WDR41: variants seen among roughly 807,000 people sequenced by gnomAD.
The protein encoded by WDR41 is WD repeat domain 41.
WDR41 carries 63 observed loss-of-function variants against 69.3 expected under a neutral mutation model. The observed-to-expected ratio is 0.91, with a 90% CI of 0.74 to 1.12. The LOEUF is 1.12. WDR41 is among the 50% of genes most tolerant of loss of function. The probability of loss-of-function intolerance (pLI) is 0.00; values close to 1 mark genes in which losing one functional copy is unlikely to be tolerated. For missense variants in WDR41, 543 were observed against 534.5 expected, an observed-to-expected ratio of 1.02 and a Z score of -0.16; for synonymous variants, 185 against 192.1, an observed-to-expected ratio of 0.96 and a Z score of 0.31.
At chr5:77,436,035 A>C (rs1253349893) in intron 12 of WDR41, among the ~76,000 whole-genome samples, 5 of 152,248 alleles carry the variant, frequency 3.3e-5, no homozygotes, top group Admixed American at 6.5e-5. Flanking sequence ...AATGGTGATT[A>C]AGACCATTCT....
chr5:77,476,887 TAA>T (rs985191650), intron 2 of WDR41, among the ~76,000 whole-genome samples: 5 of 142,846 alleles, frequency 3.5e-5, no homozygotes, highest in Non-Finnish European at 7.5e-5. Context: ...GCAAATTGGA[TAA>T]AGAGTCAAGA....
At chr5:77,480,481 A>G (rs1008231584) in intron 2 of WDR41, among the ~76,000 whole-genome samples, 2 of 152,168 alleles carry the variant, frequency 1.3e-5, no homozygotes, top group East Asian at 1.9e-4. Flanking sequence ...ACACCATGGA[A>G]TACTATGCAG....
chr5:77,433,613 G>GA (rs1798815015), intron 12 of WDR41, among the ~76,000 whole-genome samples: 1 of 152,156 alleles, frequency 6.6e-6, no homozygotes, highest in South Asian at 2.1e-4. Context: ...AATGGCTATG[G>GA]AAAAAATGTC....
chr5:77,517,631 C>CATATATATATATATATATATATAT (rs34773798), intron 1 of WDR41, among the ~76,000 whole-genome samples: 53 of 141,180 alleles, frequency 3.8e-4, no homozygotes, highest in African/African-American at 1.0e-3. Flanking sequence ...ATTTATTGAA[C>CATATATATATATATATATATATAT]ATATATATAT....
At chr5:77,559,113 G>T (rs889913923) in intron 1 of WDR41, among the ~76,000 whole-genome samples, 4 of 152,118 alleles carry the variant, frequency 2.6e-5, no homozygotes, top group Non-Finnish European at 4.4e-5. Flanking sequence ...ACAGTGGTAC[G>T]CTGGTAAATA....
intron 2 of WDR41, among the ~76,000 whole-genome samples, chr5:77,467,624 T>TC (rs1480563185): frequency 6.6e-6 from 1 of 152,046 alleles, no homozygotes; most frequent in African/African-American, 2.4e-5. Flanking sequence ...TTGATCTTTA[T>TC]CTTTATAACA....
chr5:77,434,087 C>T (rs893263833), intron 12 of WDR41, among the ~76,000 whole-genome samples: 5 of 151,790 alleles, frequency 3.3e-5, no homozygotes, highest in Admixed American at 6.6e-5. Flanking sequence ...CTCAGCACTT[C>T]GGGAGGCTGA....
At position 77,463,219 on chromosome 5, in the gene WDR41, T is replaced by A. The variant is rs145264249; in HGVS notation, c.224A>T (p.Glu75Val). The change falls in exon 4 of 13, where the codon GAA becomes GTA. Residue 75 changes from glutamate (E) to valine (V), a missense_variant. By Grantham distance (121) the Glu-to-Val change is moderately radical. Transcript: ENST00000296679. ...IVVVWNAQTGEKLLELNGHTQ... is the reference protein window; with the variant it reads ...IVVVWNAQTGVKLLELNGHTQ... ...GTGTCCATTCAGTTCTAAAAGTTTT[T>A]CCCCTGTCTGAAATACCAATAAAAA... is the stretch of plus-strand genomic sequence containing the variant. 366 of 1,606,032 alleles carry A rather than the reference T, an allele frequency of 2.3e-4. 1 individual carries two copies. Among genetic ancestry groups the A allele is most frequent in the Middle Eastern group, 6.6e-4 (4 of 6,026 alleles).
chr5:77,612,163 C>A (rs1272334352), intron 1 of WDR41, among the ~76,000 whole-genome samples: 2 of 152,058 alleles, frequency 1.3e-5, no homozygotes, highest in African/African-American at 4.8e-5. Context: ...GTTTACCAAC[C>A]AAAAAGAGTC....
intron 7 of WDR41, among the ~76,000 whole-genome samples, chr5:77,450,120 A>G (rs892546387): frequency 6.6e-6 from 1 of 152,180 alleles, no homozygotes; most frequent in Non-Finnish European, 1.5e-5. Flanking sequence ...ACTTTTCCAA[A>G]CAGTGAAGCT....
intron 1 of WDR41, among the ~76,000 whole-genome samples, chr5:77,566,089 G>A (rs140538825): frequency 1.7e-3 from 261 of 152,158 alleles, no homozygotes; most frequent in African/African-American, 6.0e-3. Flanking sequence ...GGTCAAGACT[G>A]CTCTGGTTTG....
intron 1 of WDR41, among the ~76,000 whole-genome samples, chr5:77,507,609 T>C (rs1802129536): frequency 6.6e-6 from 1 of 152,202 alleles, no homozygotes; most frequent in South Asian, 2.1e-4. Context: ...ATAACAGATT[T>C]TTTTGTCAGT....
At chr5:77,606,815 A>C (rs1432131857) in intron 1 of WDR41, among the ~76,000 whole-genome samples, 1 of 151,916 alleles carries the variant, frequency 6.6e-6, no homozygotes, top group Non-Finnish European at 1.5e-5. Context: ...AGAAAAGAAA[A>C]GAAAAAGAAA....
At chr5:77,503,946 CT>C (rs1561208649) in intron 1 of WDR41, among the ~76,000 whole-genome samples, 1 of 152,084 alleles carries the variant, frequency 6.6e-6, no homozygotes, top group African/African-American at 2.4e-5. Context: ...AATAGACACC[CT>C]ACCGTCACAA....
intron 2 of WDR41, among the ~76,000 whole-genome samples, chr5:77,470,314 C>G (rs1392789982): frequency 6.6e-6 from 1 of 152,218 alleles, no homozygotes; most frequent in Non-Finnish European, 1.5e-5. Flanking sequence ...ATACCAGCCA[C>G]TGCAAAAACA....
chr5:77,578,281 T>C (rs767524402), intron 1 of WDR41, among the ~76,000 whole-genome samples: 5 of 152,160 alleles, frequency 3.3e-5, no homozygotes, highest in Non-Finnish European at 2.9e-5. Flanking sequence ...GGCTTAACAC[T>C]GTAGGGAGCT....
chr5:77,437,285 C>T (rs535098026), intron 11 of WDR41, 51 bp downstream of exon 11: 11 of 1,468,152 alleles, frequency 7.5e-6, no homozygotes, highest in South Asian at 4.5e-5. Flanking sequence ...CTGCCTTTCA[C>T]GTGAGAAAAA....
chr5:77,567,452 A>G (rs1743654137), intron 1 of WDR41, among the ~76,000 whole-genome samples: 1 of 152,098 alleles, frequency 6.6e-6, no homozygotes, highest in East Asian at 1.9e-4. Context: ...AGGCTGGCTG[A>G]TGCTGAGGTT....
At chr5:77,582,618 C>T in intron 1 of WDR41, 3 of 1,601,198 alleles carry the variant, frequency 1.9e-6, no homozygotes, top group South Asian at 2.2e-5. Flanking sequence ...CTGGCAACTT[C>T]TATGTACCTG....
Sources: allele counts gnomAD v4.1 joint callset (sites outside exome capture counted in the v4.1 genomes callset), GRCh38; gene constraint gnomAD v4.1.1; transcripts MANE v1.5; gene names NCBI Gene and HGNC (gene_info 2026-07-23, HGNC 2026-07-21).